SH3RF3: variants seen among roughly 807,000 people sequenced by gnomAD.
The protein encoded by SH3RF3 is E3 ubiquitin-protein ligase SH3RF3.
In SH3RF3, 29 loss-of-function variants were observed where a neutral mutation model predicts 66.3. The observed-to-expected ratio is 0.44, with a 90% confidence interval of 0.33 to 0.60. The LOEUF (loss-of-function observed/expected upper bound fraction) is 0.60, where lower values mean the gene tolerates loss of function less well. SH3RF3 is among the 20% of genes least tolerant of loss of function. The pLI is 0.04. For missense variants in SH3RF3, 1,194 were observed against 1,190.9 expected, an observed-to-expected ratio of 1.00 and a Z score of -0.04; for synonymous variants, 583 against 532.0, an observed-to-expected ratio of 1.10 and a Z score of -1.32.
At chr2:109,385,883 G>A (rs1390133896) in intron 3 of SH3RF3, among the ~76,000 whole-genome samples, 4 of 139,498 alleles carry the variant, frequency 2.9e-5, no homozygotes, top group Non-Finnish European at 6.3e-5. Flanking sequence ...AGAGATGGAC[G>A]TTTGGTTGAA....
At chr2:109,439,399 C>G (rs1677500280) in intron 7 of SH3RF3, among the ~76,000 whole-genome samples, 1 of 152,140 alleles carries the variant, frequency 6.6e-6, no homozygotes, top group Admixed American at 6.5e-5. Context: ...GTTCCTGCGG[C>G]ATTTTCCACT....
intron 8 of SH3RF3, among the ~76,000 whole-genome samples, chr2:109,486,104 AACCTTTCTTC>A (rs369992712): frequency 9.0e-4 from 137 of 152,216 alleles, no homozygotes; most frequent in African/African-American, 3.3e-3. Flanking sequence ...AACCCTCAAT[AACCTTTCTTC>A]ACCTTCCCAA....
intron 1 of SH3RF3, among the ~76,000 whole-genome samples, chr2:109,153,134 G>A (rs1170548526): frequency 1.3e-5 from 2 of 152,258 alleles, no homozygotes; most frequent in African/African-American, 4.8e-5. Context: ...AGGAATCAGT[G>A]GGGCAAATAT....
intron 4 of SH3RF3, among the ~76,000 whole-genome samples, chr2:109,402,971 G>A (rs1676354224): frequency 6.6e-6 from 1 of 152,134 alleles, no homozygotes. Flanking sequence ...GCTGTCCAAC[G>A]CATCGACTGC....
chr2:109,298,450 C>T (rs990008964), intron 1 of SH3RF3, among the ~76,000 whole-genome samples: 4 of 152,074 alleles, frequency 2.6e-5, no homozygotes, highest in Non-Finnish European at 4.4e-5. Flanking sequence ...GGGTCCCTCA[C>T]GGCTCAGGGA....
At chr2:109,432,455 C>A (rs759753196) in intron 5 of SH3RF3, 46 bp from the exon 6 acceptor site, 1 of 1,606,136 alleles carries the variant, frequency 6.2e-7, no homozygotes, top group Non-Finnish European at 8.5e-7. Context: ...GGTCCCCTAT[C>A]CCCAGGAGGG....
In SH3RF3 at chr2:109,412,492, A is replaced by G. The variant is rs116034702; in HGVS notation, c.1300-7047A>G. Among the ~76,000 whole-genome samples the G allele has an allele frequency of 4.8e-3, 725 of 152,326 alleles. 2 individuals carry two copies. Among genetic ancestry groups the G allele is most frequent in the African/African-American group, 0.015 (638 of 41,574 alleles). On this transcript the variant is annotated intron_variant, in intron 4 of 9. Transcript: ENST00000309415. ...ACAACAGCAGGACCAGTGCGTGCCTATCATCTTAGGTTCCCACTCTTCCCG... is the reference window on the plus strand; with the variant it reads ...ACAACAGCAGGACCAGTGCGTGCCTGTCATCTTAGGTTCCCACTCTTCCCG...
At chr2:109,361,693 C>A (rs1683053559) in intron 2 of SH3RF3, among the ~76,000 whole-genome samples, 1 of 152,156 alleles carries the variant, frequency 6.6e-6, no homozygotes, top group South Asian at 2.1e-4. Context: ...TCAGGCTGGT[C>A]TTGAACTCCT....
chr2:109,398,033 G>A (rs757524551), intron 3 of SH3RF3, among the ~76,000 whole-genome samples: 3 of 152,224 alleles, frequency 2.0e-5, no homozygotes, highest in African/African-American at 7.2e-5. Context: ...GACAGCCTGA[G>A]TGGAGGCGGT....
At chr2:109,249,980 G>A (rs992648320) in intron 1 of SH3RF3, among the ~76,000 whole-genome samples, 8 of 151,502 alleles carry the variant, frequency 5.3e-5, no homozygotes, top group Non-Finnish European at 8.8e-5. Flanking sequence ...CACCGCGCCC[G>A]GCCTGCACCA....
intron 1 of SH3RF3, among the ~76,000 whole-genome samples, chr2:109,204,052 G>A (rs1177399328): frequency 1.3e-5 from 2 of 152,168 alleles, no homozygotes; most frequent in African/African-American, 4.8e-5. Context: ...GAGGCCATTC[G>A]AAAAATGCCT....
At position 109,142,100 on chromosome 2, in the gene SH3RF3, C is replaced by G. The variant is rs1322191245; in HGVS notation, c.573+11987C>G. The stretch of plus-strand genomic sequence containing the variant: ...TTCTGCTGCAGCCCCTGGCCTGTCC[C>G]CTGGGCCCCACCCTGAGTCACCTAC... On this transcript the variant is annotated intron_variant, in intron 1 of 9. Coordinates refer to ENST00000309415, the MANE Select transcript of SH3RF3 (RefSeq NM_001099289.3). 2.6e-5 allele frequency among the ~76,000 whole-genome samples: 4 copies of G among 152,000 alleles called. No individual in the cohort carries two copies. The East Asian group carries it at 7.8e-4, about 29-fold the overall frequency.
At chr2:109,449,734 A>G (rs1677811933) in intron 8 of SH3RF3, among the ~76,000 whole-genome samples, 1 of 152,234 alleles carries the variant, frequency 6.6e-6, no homozygotes, top group Non-Finnish European at 1.5e-5. Flanking sequence ...TTCTCATGCA[A>G]ATCAGAAAAA....
intron 1 of SH3RF3, among the ~76,000 whole-genome samples, chr2:109,284,702 A>G (rs934690945): frequency 2.0e-5 from 3 of 152,176 alleles, no homozygotes; most frequent in Admixed American, 2.0e-4. Flanking sequence ...TTCCCAGTCT[A>G]GGCCAGGCAG....
chr2:109,408,641 G>A (rs1043495647), intron 4 of SH3RF3, among the ~76,000 whole-genome samples: 3 of 152,232 alleles, frequency 2.0e-5, no homozygotes, highest in South Asian at 2.1e-4. Flanking sequence ...GCAATGCCCC[G>A]CACTGGCACT....
chr2:109,176,266 A>G (rs1414947689), intron 1 of SH3RF3, among the ~76,000 whole-genome samples: 1 of 152,242 alleles, frequency 6.6e-6, no homozygotes, highest in Non-Finnish European at 1.5e-5. Flanking sequence ...AATAAAATAG[A>G]AAAGGGTACA....
intron 1 of SH3RF3, among the ~76,000 whole-genome samples, chr2:109,220,925 C>G (rs950148730): frequency 6.6e-6 from 1 of 152,180 alleles, no homozygotes; most frequent in African/African-American, 2.4e-5. Context: ...TAGGCTTATA[C>G]CCAAATGAAT....
chr2:109,330,872 A>G (rs543971860), intron 1 of SH3RF3, among the ~76,000 whole-genome samples: 25 of 152,194 alleles, frequency 1.6e-4, no homozygotes, highest in Non-Finnish European at 2.8e-4. Context: ...TAAGGGACCA[A>G]TTCCTCTGGT....
intron 1 of SH3RF3, among the ~76,000 whole-genome samples, chr2:109,334,184 C>T (rs987083761): frequency 1.3e-5 from 2 of 151,986 alleles, no homozygotes; most frequent in African/African-American, 4.8e-5. Context: ...GGTGAGACCC[C>T]GTCCCTACAA....
Sources: gnomAD v4.1 joint callset for allele counts (sites outside exome capture counted in the v4.1 genomes callset) on GRCh38, gnomAD v4.1.1 for gene constraint, MANE v1.5 for transcripts, NCBI Gene and HGNC (gene_info 2026-07-23, HGNC 2026-07-21) for gene names.